Variants in DMBT1 observed in about 807,000 individuals in gnomAD.
The protein encoded by DMBT1 is scavenger receptor cysteine-rich domain-containing protein DMBT1.
A neutral mutation model predicts 252.9 loss-of-function variants in DMBT1; 198 were observed. The ratio of observed to expected loss-of-function variants is 0.78; its 90% CI spans 0.70 to 0.88. The LOEUF (loss-of-function observed/expected upper bound fraction) is 0.88, where lower values mean the gene tolerates loss of function less well. DMBT1 is among the 40% of genes least tolerant of loss of function. The pLI, the probability that DMBT1 is intolerant of heterozygous loss-of-function variation, is 0.00. For synonymous variants in DMBT1, 990 were observed against 942.7 expected (o/e 1.05, Z -0.92); for missense variants, 2,432 against 2,404.7 (o/e 1.01, Z -0.24).
chr10:122,599,718 A>G (rs2097922011), intron 26 of DMBT1, among the ~76,000 whole-genome samples: 1 of 152,194 alleles, frequency 6.6e-6, no homozygotes. Flanking sequence ...ATTGCCTGTG[A>G]TCAGGGCTTG....
intron 49 of DMBT1, 116 bp downstream of exon 49, chr10:122,631,397 C>A: frequency 1.5e-6 from 2 of 1,317,730 alleles, no homozygotes; most frequent in African/African-American, 1.5e-5. Context: ...ATTGTGTCCT[C>A]GTGGCCTGCG....
At chr10:122,586,712 A>T (rs1489603922) in intron 16 of DMBT1, among the ~76,000 whole-genome samples, 1 of 148,332 alleles carries the variant, frequency 6.7e-6, no homozygotes, top group Non-Finnish European at 1.5e-5. Flanking sequence ...GTTCATGAAG[A>T]TAGAGGTTGA....
At chr10:122,571,938 G>A (rs2097667607) in intron 4 of DMBT1, among the ~76,000 whole-genome samples, 1 of 152,196 alleles carries the variant, frequency 6.6e-6, no homozygotes, top group South Asian at 2.1e-4. Context: ...CACCTTCTCA[G>A]GAATATTTCA....
chr10:122,573,862 G>T, intron 6 of DMBT1, 100 bp downstream of exon 6: 1 of 1,468,606 alleles, frequency 6.8e-7, no homozygotes, highest in Non-Finnish European at 9.5e-7. Flanking sequence ...AGAAAGTAGG[G>T]TGCTTAGCTC....
rs528385470 is a variant in DMBT1 at position 122,599,228 on chromosome 10, C to G, written c.3280+131C>G. 229 of 1,502,532 alleles carry G rather than the reference C, an allele frequency of 1.5e-4. 2 individuals carry two copies. The South Asian group carries it at 2.6e-3, about 17-fold the overall frequency. 93.1% of individuals were successfully genotyped at this position (1,502,532 alleles called of 1,614,324 possible). On this transcript the variant is annotated intron_variant, in intron 26 of 55. Coordinates refer to ENST00000338354, the MANE Select transcript of DMBT1 (RefSeq NM_001377530.1). ...CTATATTTCTGAAGACTTGTTAGCT[C>G]TCTGCTAAGAATCCCTATGTACTCA... is the stretch of plus-strand genomic sequence containing the variant.
chr10:122,643,356 C>A lies in DMBT1; in HGVS notation c.7587C>A (p.Ile2529=), dbSNP rs754600183. The A allele has an allele frequency of 1.2e-6, 2 of 1,613,928 alleles. No homozygotes were observed. The highest frequency in any genetic ancestry group is 4.5e-5 in the East Asian group (2 of 44,870). The change falls in exon 56 of 56, where the codon ATC becomes ATA. Residue 2529 remains isoleucine, a synonymous_variant. Transcript: ENST00000338354. ...QEKVDVVLGP[I]QLQTPPRREE... ...AGGTGGACGTCGTCCTGGGTCCCAT[C>A]CAGCTGCAGACCCCCCCACGCCGAG...
chr10:122,621,116 G>A lies in DMBT1; in HGVS notation c.5344G>A (p.Val1782Met). Residue 1782 changes from valine (V) to methionine (M), a missense_variant, in exon 44 of 56, where the codon GTG becomes ATG. Val to Met is a conservative substitution (Grantham distance 21). This residue lies in a region of DMBT1 where 1,162 missense variants were observed against 1,169.0 expected (regional missense o/e 0.99). Coordinates refer to ENST00000338354, the MANE Select transcript of DMBT1 (RefSeq NM_001377530.1). ...TGGAGGTGACAGGTGTCGAGGCCGAGTGGAGGTCCTGTATCGAGGCTCCTG... is the reference window on the plus strand; with the variant it reads ...TGGAGGTGACAGGTGTCGAGGCCGAATGGAGGTCCTGTATCGAGGCTCCTG... ...VNGGDRCRGR[V>M]EVLYRGSWGT... The A allele has an allele frequency of 6.2e-7, 1 of 1,613,774 alleles. No homozygotes were observed. The highest frequency in any genetic ancestry group is 8.5e-7 in the Non-Finnish European group (1 of 1,179,752).
At chr10:122,619,158 G>A in intron 41 of DMBT1, 150 bp from the exon 42 acceptor site, 1 of 1,020,010 alleles carries the variant, frequency 9.8e-7, no homozygotes, top group Non-Finnish European at 1.6e-6. Flanking sequence ...GTGCATCTCT[G>A]TGGGAATTTA....
rs1275063390 is a variant in DMBT1, at chr10:122,593,602, G to A, written c.2530+4G>A. 1.9e-6 allele frequency: 3 copies of A among 1,586,988 alleles called. No homozygotes were observed. The highest frequency in any genetic ancestry group is 2.6e-6 in the Non-Finnish European group (3 of 1,164,548). On this transcript the variant is annotated splice_donor_region_variant and intron_variant, in intron 21 of 55. Coordinates refer to ENST00000338354, the MANE Select transcript of DMBT1 (RefSeq NM_001377530.1). ...TCCCGGCCGACACCCAGTCCAGGTAGGTCCCCAGTGTCCTTCCTCAAAATG... is the reference window on the plus strand; with the variant it reads ...TCCCGGCCGACACCCAGTCCAGGTAAGTCCCCAGTGTCCTTCCTCAAAATG...
In DMBT1 at chr10:122,592,968, G is replaced by C. The variant is rs1031040043; in HGVS notation, c.2500+373G>C. Among the ~76,000 whole-genome samples, 5 of 148,754 alleles carry C rather than the reference G, an allele frequency of 3.4e-5. 1 individual carries two copies. The highest frequency in any genetic ancestry group is 7.5e-5 in the Non-Finnish European group (5 of 66,774). On this transcript the variant is annotated intron_variant, in intron 20 of 55. Transcript: ENST00000338354. ...GGTAGGGGAGGAATCCTCTCACTGA[G>C]AGGAACTCTGAGCTAAAGATGCTTG... is the stretch of plus-strand genomic sequence containing the variant.
Position 122,591,528 on chromosome 10 carries a change from C to T in DMBT1, c.2176+11C>T. On this transcript the variant is annotated intron_variant, in intron 19 of 55. Transcript: ENST00000338354. ...CTCCATCGACAGTAGGTAAATAATC[C>T]TCTCACCCCTCCCTAGGGCTCACTC... 6.3e-7 allele frequency: 1 copy of T among 1,582,006 alleles called. No homozygotes were observed. Among genetic ancestry groups the T allele is most frequent in the Non-Finnish European group, 8.6e-7 (1 of 1,160,274 alleles).
At chr10:122,573,292 G>A (rs544682561) in intron 5 of DMBT1, among the ~76,000 whole-genome samples, 6 of 127,150 alleles carry the variant, frequency 4.7e-5, no homozygotes, top group African/African-American at 1.4e-4. Context: ...TGGAAAGGTT[G>A]GTTTTCTTTC....
chr10:122,584,399 A>T, intron 14 of DMBT1, 48 bp downstream of exon 14: 1 of 392,712 alleles, frequency 2.5e-6, no homozygotes, highest in Non-Finnish European at 4.5e-6. Flanking sequence ...CTTTCTGTAT[A>T]ATTATCCCTT....
chr10:122,628,104 G>A (rs2098131315), intron 46 of DMBT1, among the ~76,000 whole-genome samples: 1 of 152,222 alleles, frequency 6.6e-6, no homozygotes, highest in African/African-American at 2.4e-5. Context: ...TTGAGAAGCA[G>A]TTTGGTGGCT....
intron 7 of DMBT1, 23 bp from the exon 8 acceptor site, chr10:122,577,788 A>G: frequency 6.2e-7 from 1 of 1,613,422 alleles, no homozygotes; most frequent in African/African-American, 1.3e-5. Context: ...TTGGTGTCTA[A>G]TGTTGCTATT....
chr10:122,579,922 G>A (rs1309745236), intron 10 of DMBT1, 21 bp downstream of exon 10: 1 of 1,613,810 alleles, frequency 6.2e-7, no homozygotes, highest in South Asian at 1.1e-5. Flanking sequence ...AAGAACTTGG[G>A]CTCACTCTCT....
rs1330460676 is a variant in DMBT1, at chr10:122,586,076, G to A, written c.1476G>A (p.Leu492=). The change falls in exon 16 of 56, where the codon TTG becomes TTA. Residue 492 remains leucine, a synonymous_variant. Coordinates refer to ENST00000338354, the MANE Select transcript of DMBT1 (RefSeq NM_001377530.1). ...PASTVGSESS[L]ALRLVNGGDR... The stretch of plus-strand genomic sequence containing the variant: ...CCCCTGTAGGATCTGAATCCAGTTT[G>A]GCCCTGAGGCTGGTGAATGGAGGTG... The A allele has an allele frequency of 1.9e-6, 3 of 1,588,734 alleles. No individual in the cohort carries two copies. In the African/African-American group the frequency reaches 4.0e-5, roughly 21 times the overall value.
At chr10:122,598,354 G>T (rs1167276809) in intron 25 of DMBT1, among the ~76,000 whole-genome samples, 1 of 152,172 alleles carries the variant, frequency 6.6e-6, no homozygotes, top group Non-Finnish European at 1.5e-5. Flanking sequence ...GTCGGTGGAA[G>T]TGACTGTCCC....
In DMBT1 at chr10:122,636,101, C is replaced by G; in HGVS notation, c.6659C>G (p.Ser2220Cys). 1 of 1,614,016 alleles carries G rather than the reference C, an allele frequency of 6.2e-7. No individual in the cohort carries two copies. The highest frequency in any genetic ancestry group is 8.5e-7 in the Non-Finnish European group (1 of 1,179,896). ...CDGARGSFTS[S>C]SNFMSIRFIS... ...GGGGCCAGAGGCTCCTTCACTTCTT[C>G]CTCCAACTTCATGTCCATTCGCTTC... The change falls in exon 53 of 56, where the codon TCC becomes TGC. Residue 2220 changes from serine (S) to cysteine (C), a missense_variant. By Grantham distance (112) the Ser-to-Cys change is moderately radical (BLOSUM62 -1). Transcript: ENST00000338354.
Sources: gnomAD v4.1 joint callset for allele counts (sites outside exome capture counted in the v4.1 genomes callset) on GRCh38, gnomAD v4.1.1 for gene constraint, gnomAD v4.1.1 regional missense constraint, MANE v1.5 for transcripts, NCBI Gene and HGNC (gene_info 2026-07-23, HGNC 2026-07-21) for gene names.